The following OIP5 variants were observed in gnomAD, a reference collection of about 807,000 sequenced individuals.
The protein encoded by OIP5 is protein Mis18-beta.
Under a neutral mutation model 20.3 loss-of-function variants are expected in OIP5, and 24 were observed. That is an observed-to-expected ratio of 1.18 (90% CI 0.86 to 1.66). The LOEUF is 1.66. OIP5 is among the 40% of genes most tolerant of loss of function. The pLI, the probability that OIP5 is intolerant of heterozygous loss-of-function variation, is 0.00. For missense variants in OIP5, 339 were observed against 289.5 expected (o/e 1.17, Z -1.24); for synonymous variants, 143 against 121.3 (o/e 1.18, Z -1.17).
Position 41,332,489 on chromosome 15 carries a change from C to G in OIP5, c.73G>C (p.Glu25Gln). ...AAAGAAGCTTGGTCAATCGCCCTCTCAGTGCCACCACAAAAGTCCCCCCGG... is the reference window on the plus strand; with the variant it reads ...AAAGAAGCTTGGTCAATCGCCCTCTGAGTGCCACCACAAAAGTCCCCCCGG... Reference protein sequence around the residue: ...PPRGDFCGGTERAIDQASFTT... With the variant: ...PPRGDFCGGTQRAIDQASFTT... Residue 25 changes from glutamate to glutamine, a missense_variant, in exon 1 of 5, where the codon GAG becomes CAG. By Grantham distance (29) the Glu-to-Gln change is conservative (BLOSUM62 2). Transcript: ENST00000220514. 1.2e-6 allele frequency: 2 copies of G among 1,614,050 alleles called. No individual in the cohort carries two copies. The highest frequency in any genetic ancestry group is 1.7e-6 in the Non-Finnish European group (2 of 1,179,924).
rs546928396 is a variant in OIP5 at position 41,328,651 on chromosome 15, T to C, written c.389+3264A>G. Among the ~76,000 whole-genome samples, 69 of 152,286 alleles carry C rather than the reference T, an allele frequency of 4.5e-4. No individual in the cohort carries two copies. In the South Asian group the frequency reaches 7.7e-3, roughly 17 times the overall value. On this transcript the variant is annotated intron_variant, in intron 2 of 4. Transcript: ENST00000220514. The stretch of plus-strand genomic sequence containing the variant: ...TCTGTCTACTTTATGACTTTGAATC[T>C]AAGAGGTTCATGCCAATTGTAGAAT...
chr15:41,320,726 G>A (rs1406605722), intron 2 of OIP5, among the ~76,000 whole-genome samples: 4 of 152,060 alleles, frequency 2.6e-5, no homozygotes, highest in Admixed American at 6.6e-5. Context: ...AGTGAGGAGC[G>A]TCTCTGCCTG....
intron 2 of OIP5, among the ~76,000 whole-genome samples, chr15:41,320,940 G>A (rs1423838825): frequency 1.3e-5 from 2 of 149,556 alleles, no homozygotes; most frequent in Non-Finnish European, 3.0e-5. Flanking sequence ...CTGCCGCCCC[G>A]TCTGGGATGT....
In OIP5 at chr15:41,332,589, A is replaced by C. The variant is rs558441404; in HGVS notation, c.-28T>G. ...TCCCGCAGCCGGCGCCTTCCTTTCGAATACACGCCAGGCCCCGCCCCAAGC... is the reference window on the plus strand; with the variant it reads ...TCCCGCAGCCGGCGCCTTCCTTTCGCATACACGCCAGGCCCCGCCCCAAGC... On this transcript the variant is annotated 5_prime_UTR_variant, in exon 1 of 5. The change creates a new upstream start codon in the 5' untranslated region. Transcript: ENST00000220514. 9.8e-5 allele frequency: 154 copies of C among 1,577,766 alleles called. No homozygotes were observed. Among genetic ancestry groups the C allele is most frequent in the Non-Finnish European group, 1.2e-4 (139 of 1,162,886 alleles).
At chr15:41,312,804 A>G (rs2047766380) in intron 4 of OIP5, among the ~76,000 whole-genome samples, 1 of 151,640 alleles carries the variant, frequency 6.6e-6, no homozygotes, top group Non-Finnish European at 1.5e-5. Flanking sequence ...AATTTTTTGT[A>G]TTTGTAATAG....
At chr15:41,320,331 A>G (rs926993130) in intron 2 of OIP5, among the ~76,000 whole-genome samples, 3 of 152,044 alleles carry the variant, frequency 2.0e-5, no homozygotes, top group African/African-American at 7.2e-5. Context: ...ATGCCAAGCC[A>G]AAGCTGGACT....
rs201356433 is a variant in OIP5 at position 41,332,548 on chromosome 15, G to A, written c.14C>T (p.Pro5Leu). 6.2e-6 allele frequency: 10 copies of A among 1,603,328 alleles called. No homozygotes were observed. Among genetic ancestry groups the A allele is most frequent in the African/African-American group, 4.1e-5 (3 of 73,692 alleles). ...TGCACAACGTGAGCGATGCCGCAGC[G>A]GCTGAGCCGCCATCTTCCCGCAGCC... The part of the protein sequence containing the change: MAAQ[P>L]LRHRSRCATP... The change falls in exon 1 of 5, where the codon CCG becomes CTG. Residue 5 changes from proline (P) to leucine (L), a missense_variant. Pro to Leu is a moderately conservative substitution (Grantham distance 98). Coordinates refer to ENST00000220514, the MANE Select transcript of OIP5 (RefSeq NM_007280.2).
At chr15:41,329,293 C>T (rs1399572664) in intron 2 of OIP5, among the ~76,000 whole-genome samples, 1 of 150,888 alleles carries the variant, frequency 6.6e-6, no homozygotes, top group Middle Eastern at 3.2e-3. Context: ...AATACAGAAA[C>T]ACATGGGGCT....
intron 3 of OIP5, among the ~76,000 whole-genome samples, chr15:41,319,262 C>G (rs1380099769): frequency 6.7e-6 from 1 of 149,604 alleles, no homozygotes; most frequent in Non-Finnish European, 1.5e-5. Flanking sequence ...TTCCTTTGGA[C>G]AGAATCTCAC....
intron 3 of OIP5, among the ~76,000 whole-genome samples, chr15:41,313,933 A>G (rs774940405): frequency 8.1e-4 from 123 of 152,294 alleles, no homozygotes; most frequent in Non-Finnish European, 1.5e-3. Flanking sequence ...GCCGCATCCC[A>G]CCAGAGACAA....
intron 3 of OIP5, among the ~76,000 whole-genome samples, chr15:41,315,996 C>T (rs938784337): frequency 2.6e-5 from 4 of 151,922 alleles, no homozygotes; most frequent in Admixed American, 6.6e-5. Context: ...GACATGGTGG[C>T]GGGCGCCTGT....
At chr15:41,329,944 G>A (rs142924458) in intron 2 of OIP5, among the ~76,000 whole-genome samples, 81 of 152,112 alleles carry the variant, frequency 5.3e-4, no homozygotes, top group African/African-American at 1.5e-3. Context: ...TGATCCATCC[G>A]CCTTGGCCTC....
intron 2 of OIP5, among the ~76,000 whole-genome samples, chr15:41,324,030 C>A (rs900486518): frequency 1.3e-5 from 1 of 78,582 alleles, no homozygotes; most frequent in Non-Finnish European, 2.7e-5. Flanking sequence ...CTCTGTCACC[C>A]ACCCAGGCTG....
chr15:41,318,669 C>T (rs2047803485), intron 3 of OIP5, among the ~76,000 whole-genome samples: 1 of 151,590 alleles, frequency 6.6e-6, no homozygotes, highest in Non-Finnish European at 1.5e-5. Context: ...TATGATAAGA[C>T]ATGGAAGATA....
chr15:41,332,505 GTC>G lies in OIP5; in HGVS notation c.55_56del (p.Asp19LeufsTer6). ...TCGCCCTCTCAGTGCCACCACAAAA[GTC>G]CCCCCGGGGCGGCGTTGCACAACGT... is the stretch of plus-strand genomic sequence containing the variant. ...RSRCATPPRGDFCGGTERAID... is the reference protein window; with the variant it reads ...RSRCATPPRGXFCGGTERAID... On this transcript the variant is annotated frameshift_variant, in exon 1 of 5. Coordinates refer to ENST00000220514, the MANE Select transcript of OIP5 (RefSeq NM_007280.2). LOFTEE classifies it high-confidence loss of function. The G allele has an allele frequency of 1.2e-6, 2 of 1,613,844 alleles. No homozygotes were observed. Among genetic ancestry groups the G allele is most frequent in the Non-Finnish European group, 1.7e-6 (2 of 1,179,872 alleles).
intron 2 of OIP5, among the ~76,000 whole-genome samples, chr15:41,324,582 C>T (rs941297308): frequency 1.3e-5 from 2 of 151,540 alleles, no homozygotes; most frequent in African/African-American, 2.4e-5. Flanking sequence ...CTCCGCCTCC[C>T]GGGTTCAAGC....
chr15:41,326,119 GC>G (rs1455031214), intron 2 of OIP5, among the ~76,000 whole-genome samples: 9 of 152,178 alleles, frequency 5.9e-5, no homozygotes, highest in African/African-American at 2.2e-4. Context: ...CCGAGATAAT[GC>G]CACTGGACTC....
At chr15:41,321,709 C>T (rs1170534922) in intron 2 of OIP5, among the ~76,000 whole-genome samples, 2 of 151,710 alleles carry the variant, frequency 1.3e-5, no homozygotes, top group African/African-American at 4.8e-5. Flanking sequence ...CTTTGTTAAA[C>T]AGATGCTTGA....
At chr15:41,310,615 C>G (rs970362295) in intron 4 of OIP5, among the ~76,000 whole-genome samples, 2 of 142,754 alleles carry the variant, frequency 1.4e-5, no homozygotes, top group Non-Finnish European at 3.0e-5. Flanking sequence ...GGTGACAGAG[C>G]GAGACTCCGT....
Sources: allele counts gnomAD v4.1 joint callset (sites outside exome capture counted in the v4.1 genomes callset), GRCh38; gene constraint gnomAD v4.1.1; transcripts MANE v1.5; gene names NCBI Gene and HGNC (gene_info 2026-07-23, HGNC 2026-07-21).